NALF1: variants seen among roughly 807,000 people sequenced by gnomAD.
NALF1 encodes the protein family with sequence similarity 155 member A.
Under a neutral mutation model 48.4 loss-of-function variants are expected in NALF1, and 3 were observed. The ratio of observed to expected loss-of-function variants is 0.06; its 90% CI spans 0.03 to 0.16. The LOEUF (loss-of-function observed/expected upper bound fraction) is 0.16, where lower values mean the gene tolerates loss of function less well. NALF1 is among the 10% of genes least tolerant of loss of function. The probability of loss-of-function intolerance (pLI) is 1.00; values close to 1 mark genes in which losing one functional copy is unlikely to be tolerated. For synonymous variants in NALF1, 262 were observed against 245.7 expected (o/e 1.07, Z -0.62); for missense variants, 526 against 571.5 (o/e 0.92, Z 0.81).
chr13:107,437,330 C>T (rs1261953586), intron 1 of NALF1, among the ~76,000 whole-genome samples: 15 of 152,120 alleles, frequency 9.9e-5, no homozygotes, highest in Admixed American at 3.9e-4. Flanking sequence ...AATGACCTGG[C>T]GGCTTCTTAT....
chr13:107,557,139 A>C (rs1018434346), intron 1 of NALF1, among the ~76,000 whole-genome samples: 5 of 152,046 alleles, frequency 3.3e-5, no homozygotes, highest in African/African-American at 1.2e-4. Context: ...GCCAGAGCCT[A>C]GCTTCTTGAA....
intron 2 of NALF1, among the ~76,000 whole-genome samples, chr13:107,190,615 AATG>A (rs1441618508): frequency 9.9e-5 from 15 of 152,240 alleles, no homozygotes; most frequent in African/African-American, 3.6e-4. Context: ...GAAGAAACAC[AATG>A]ATATTTTAAA....
Position 107,819,159 on chromosome 13 carries a change from T to C in NALF1, c.915+46523A>G, listed in dbSNP as rs114562312. On this transcript the variant is annotated intron_variant, in intron 1 of 2. Transcript: ENST00000375915. ...TCAGCTTAACCTGATGTCTTGAAGATAGTAGGCTCTGAATAAATATCTACC... is the reference window on the plus strand; with the variant it reads ...TCAGCTTAACCTGATGTCTTGAAGACAGTAGGCTCTGAATAAATATCTACC... Among the ~76,000 whole-genome samples the C allele has an allele frequency of 5.9e-3, 894 of 150,552 alleles. 7 individuals are homozygous for C. Among genetic ancestry groups the C allele is most frequent in the African/African-American group, 0.021 (849 of 40,352 alleles).
Position 107,781,745 on chromosome 13 carries a change from C to T in NALF1, c.915+83937G>A, listed in dbSNP as rs772590158. 7.6e-4 allele frequency among the ~76,000 whole-genome samples: 115 copies of T among 151,672 alleles called. 1 individual carries two copies. Among genetic ancestry groups the T allele is most frequent in the Non-Finnish European group, 1.3e-3 (90 of 67,988 alleles). Reference sequence around the variant, plus strand: ...TTGAGTCAGATGTCACTGCTATACGCCTCTAAAAGCTCTATTCTTTGACGT... The same window carrying T: ...TTGAGTCAGATGTCACTGCTATACGTCTCTAAAAGCTCTATTCTTTGACGT... On this transcript the variant is annotated intron_variant, in intron 1 of 2. Transcript: ENST00000375915.
chr13:107,725,390 G>A (rs1876118028), intron 1 of NALF1, among the ~76,000 whole-genome samples: 1 of 152,150 alleles, frequency 6.6e-6, no homozygotes, highest in African/African-American at 2.4e-5. Context: ...TTCTTGCCAA[G>A]ATGGACAATT....
chr13:107,758,563 TA>T lies in NALF1; in HGVS notation c.915+107118del, dbSNP rs370940592. ...AGTGAAACCCCGTCTCTACTAAAAA[TA>T]CAAAAAATTAGCTGGGTGTGGTGGC... On this transcript the variant is annotated intron_variant, in intron 1 of 2. Transcript: ENST00000375915. Among the ~76,000 whole-genome samples, 91 of 151,754 alleles carry T rather than the reference TA, an allele frequency of 6.0e-4. No homozygotes were observed. In the East Asian group the frequency reaches 0.016, roughly 27 times the overall value.
intron 1 of NALF1, among the ~76,000 whole-genome samples, chr13:107,594,330 A>C (rs1009480813): frequency 2.1e-4 from 32 of 152,120 alleles, no homozygotes; most frequent in African/African-American, 7.7e-4. Context: ...TGATTTATGA[A>C]TAACACATAA....
At chr13:107,782,681 TGTG>T (rs1440385069) in intron 1 of NALF1, among the ~76,000 whole-genome samples, 1 of 147,784 alleles carries the variant, frequency 6.8e-6, no homozygotes, top group Non-Finnish European at 1.5e-5. Context: ...TCGTCTGAGA[TGTG>T]GGGAGTGCCT....
intron 1 of NALF1, among the ~76,000 whole-genome samples, chr13:107,668,462 T>G (rs199631512): frequency 6.6e-6 from 1 of 151,974 alleles, no homozygotes; most frequent in Admixed American, 6.6e-5. Flanking sequence ...CAGCTTCAAC[T>G]TCTCTAGGGA....
At chr13:107,638,495 G>A (rs566378657) in intron 1 of NALF1, among the ~76,000 whole-genome samples, 1 of 152,096 alleles carries the variant, frequency 6.6e-6, no homozygotes, top group Admixed American at 6.6e-5. Context: ...ATGAGGCAGA[G>A]GATGTCCCTG....
At chr13:107,491,126 C>CTGAGTTGA (rs1446310889) in intron 1 of NALF1, among the ~76,000 whole-genome samples, 4 of 152,154 alleles carry the variant, frequency 2.6e-5, no homozygotes, top group African/African-American at 4.8e-5. Context: ...ACAAAACATC[C>CTGAGTTGA]TGAGTTGATT....
At chr13:107,769,803 C>A (rs1231069826) in intron 1 of NALF1, among the ~76,000 whole-genome samples, 6 of 152,142 alleles carry the variant, frequency 3.9e-5, no homozygotes, top group Non-Finnish European at 7.4e-5. Flanking sequence ...GAAAGTTTTG[C>A]TGTCTGAGCC....
At chr13:107,760,801 C>A (rs554275246) in intron 1 of NALF1, among the ~76,000 whole-genome samples, 74 of 152,300 alleles carry the variant, frequency 4.9e-4, no homozygotes, top group African/African-American at 1.7e-3. Flanking sequence ...TAGCTCCTAT[C>A]AATTATACCC....
intron 1 of NALF1, among the ~76,000 whole-genome samples, chr13:107,735,508 T>C (rs1351056637): frequency 2.0e-5 from 3 of 152,056 alleles, no homozygotes; most frequent in Non-Finnish European, 1.5e-5. Flanking sequence ...ACCTGTAAAT[T>C]CCCCCATCTG....
intron 1 of NALF1, among the ~76,000 whole-genome samples, chr13:107,639,792 T>C (rs893546362): frequency 6.6e-6 from 1 of 152,208 alleles, no homozygotes; most frequent in Non-Finnish European, 1.5e-5. Flanking sequence ...GTCCTTGCTG[T>C]GCTCATTGCA....
In NALF1 at chr13:107,574,311, C is replaced by T. The variant is rs574760023; in HGVS notation, c.915+291371G>A. ...CATTCTCTGTTACCCTATCCTATAC[C>T]ATTTTTATTCTATCATTTATCATCA... On this transcript the variant is annotated intron_variant, in intron 1 of 2. Transcript: ENST00000375915. Among the ~76,000 whole-genome samples, 6 of 152,218 alleles carry T rather than the reference C, an allele frequency of 3.9e-5. No homozygotes were observed. In the South Asian group the frequency reaches 1.2e-3, roughly 32 times the overall value.
chr13:107,381,790 C>T (rs895648044), intron 1 of NALF1, among the ~76,000 whole-genome samples: 2 of 152,178 alleles, frequency 1.3e-5, no homozygotes, highest in Non-Finnish European at 2.9e-5. Flanking sequence ...TACTGTGTCG[C>T]TACCACTCAT....
rs143512857 is a variant in NALF1 at position 107,773,112 on chromosome 13, T to C, written c.915+92570A>G. Among the ~76,000 whole-genome samples the C allele has an allele frequency of 1.4e-3, 219 of 152,300 alleles. 3 individuals carry two copies. In the East Asian group the frequency reaches 0.035, roughly 24 times the overall value. On this transcript the variant is annotated intron_variant, in intron 1 of 2. Coordinates refer to ENST00000375915, the MANE Select transcript of NALF1 (RefSeq NM_001080396.3). The stretch of plus-strand genomic sequence containing the variant: ...AAGAAGCTCAATGTCATTAAGAAGA[T>C]GAAACAAAGTACTACTAAGGTAAGC...
At chr13:107,241,452 C>T (rs766279862) in intron 1 of NALF1, among the ~76,000 whole-genome samples, 9 of 152,264 alleles carry the variant, frequency 5.9e-5, no homozygotes, top group East Asian at 1.9e-4. Flanking sequence ...AAGTTAATGG[C>T]GCCTACTCAA....
Sources: allele counts gnomAD v4.1 joint callset (sites outside exome capture counted in the v4.1 genomes callset), GRCh38; gene constraint gnomAD v4.1.1; transcripts MANE v1.5; gene names NCBI Gene and HGNC (gene_info 2026-07-23, HGNC 2026-07-21).